Variants in NKTR observed in about 807,000 individuals in gnomAD.
The protein encoded by NKTR is natural killer cell triggering receptor, also known as NK-tumor recognition protein.
A neutral mutation model predicts 156.3 loss-of-function variants in NKTR; 67 were observed. The ratio of observed to expected loss-of-function variants is 0.43; its 90% confidence interval spans 0.35 to 0.53. The LOEUF (loss-of-function observed/expected upper bound fraction) is 0.53, where lower values mean the gene tolerates loss of function less well. Among genes scored for constraint, NKTR ranks in the 20% least tolerant of loss-of-function variants. The pLI is 0.01. For missense variants in NKTR, 1,604 were observed against 1,730.9 expected, an observed-to-expected ratio of 0.93 and a Z score of 1.30; for synonymous variants, 640 against 596.6, an observed-to-expected ratio of 1.07 and a Z score of -1.06.
chr3:42,611,114 C>G (rs938748901), intron 2 of NKTR: 2 of 152,100 alleles, frequency 1.3e-5, no homozygotes, highest in African/African-American at 4.8e-5. Context: ...CCTGGCAGCT[C>G]TAACATCTGA....
chr3:42,630,830 G>GA, intron 7 of NKTR: 6 of 1,332,084 alleles, frequency 4.5e-6, no homozygotes. Context: ...TTTCTCTTCA[G>GA]TTTTCCAAAA....
intron 2 of NKTR, among the ~76,000 whole-genome samples, chr3:42,603,373 A>AAC (rs1354072394): frequency 0.011 from 1,579 of 150,252 alleles, 38 homozygotes; most frequent in African/African-American, 0.036. Flanking sequence ...AAAAAAAAAA[A>AAC]AAAAAAAAAA....
intron 4 of NKTR, 133 bp from the exon 5 acceptor site, chr3:42,619,531 C>CT: frequency 6.6e-7 from 1 of 1,516,224 alleles, no homozygotes. Context: ...ATTGAGGACT[C>CT]TGAGAATTTT....
At chr3:42,618,061 A>T (rs947745026) in intron 3 of NKTR, among the ~76,000 whole-genome samples, 1 of 152,136 alleles carries the variant, frequency 6.6e-6, no homozygotes. Context: ...TTAAAATTAG[A>T]ACAAACTGGC....
intron 7 of NKTR, chr3:42,630,815 T>G: frequency 7.4e-7 from 1 of 1,343,032 alleles, no homozygotes; most frequent in Non-Finnish European, 9.5e-7. Context: ...TTTTTATTTT[T>G]TATTTTTCTC....
chr3:42,636,028 G>A (rs1020262919), intron 12 of NKTR, among the ~76,000 whole-genome samples: 2 of 152,226 alleles, frequency 1.3e-5, no homozygotes, highest in Non-Finnish European at 2.9e-5. Flanking sequence ...CATGTTGACT[G>A]TTGATCGCAG....
intron 5 of NKTR, 65 bp from the exon 6 acceptor site, chr3:42,621,364 A>G (rs1559564069): frequency 7.1e-6 from 11 of 1,548,630 alleles, no homozygotes; most frequent in Middle Eastern, 3.4e-4. Context: ...TCTATTTATT[A>G]CTTGAACATT....
Position 42,638,199 on chromosome 3 carries a change from A to G in NKTR, c.2495A>G (p.Glu832Gly), listed in dbSNP as rs1709586145. Residue 832 changes from glutamate to glycine, a missense_variant, in exon 13 of 17, where the codon GAA (glutamate) becomes GGA (glycine). By Grantham distance (98) the Glu-to-Gly change is moderately conservative. Coordinates refer to ENST00000232978, the MANE Select transcript of NKTR (RefSeq NM_005385.4). ...GAAAAAGAGAAGCAGGGCCAAATGG[A>G]AAGAACACATAATAAACAAGAAAAA... ...AQEKEKQGQM[E>G]RTHNKQEKNR... is the part of the protein sequence containing the mutation. 6.2e-7 allele frequency: 1 copy of G among 1,613,560 alleles called. No homozygotes were observed. The highest frequency in any genetic ancestry group is 8.5e-7 in the Non-Finnish European group (1 of 1,179,914).
At chr3:42,617,737 G>T in intron 3 of NKTR, 93 bp downstream of exon 3, 1 of 620,040 alleles carries the variant, frequency 1.6e-6, no homozygotes, top group Non-Finnish European at 2.9e-6. Context: ...TAATGGACTC[G>T]TGAAATTAGT....
intron 8 of NKTR, among the ~76,000 whole-genome samples, chr3:42,632,033 A>G (rs1251409695): frequency 6.9e-6 from 1 of 144,016 alleles, no homozygotes; most frequent in African/African-American, 2.6e-5. Context: ...CTGTCTTAGC[A>G]CTTAATCATT....
chr3:42,617,442 C>T, intron 2 of NKTR, 128 bp from the exon 3 acceptor site: 1 of 571,468 alleles, frequency 1.7e-6, no homozygotes. Flanking sequence ...TTTCCCATTA[C>T]ATCTTTTAAA....
In NKTR at chr3:42,643,938, G is replaced by A; in HGVS notation, c.4236G>A (p.Arg1412=). The A allele has an allele frequency of 6.2e-7, 1 of 1,614,128 alleles. No homozygotes were observed. Among genetic ancestry groups the A allele is most frequent in the South Asian group, 1.1e-5 (1 of 91,080 alleles). ...YTYDSYYSRS[R]SRSRSQRSDS... ...ACGATAGCTACTATAGCAGGAGTCG[G>A]AGTCGAAGTAGAAGCCAGAGAAGTG... Residue 1412 remains arginine, a synonymous_variant, in exon 16 of 17, where the codon CGG becomes CGA. Transcript: ENST00000232978.
Position 42,638,685 on chromosome 3 carries a change from A to G in NKTR, c.2981A>G (p.Lys994Arg). 1 of 1,612,030 alleles carries G rather than the reference A, an allele frequency of 6.2e-7. No individual in the cohort carries two copies. Among genetic ancestry groups the G allele is most frequent in the Admixed American group, 1.7e-5 (1 of 59,554 alleles). ...NLKREHTKKV[K>R]EKLKGKKDKK... is the part of the protein sequence containing the mutation. ...AAAAGAGAACACACCAAAAAAGTGAAAGAGAAATTGAAAGGGAAAAAAGAC... is the reference window on the plus strand; with the variant it reads ...AAAAGAGAACACACCAAAAAAGTGAGAGAGAAATTGAAAGGGAAAAAAGAC... The change falls in exon 13 of 17, where the codon AAA becomes AGA. Residue 994 changes from lysine (K) to arginine (R), a missense_variant. Around this residue, in one of 6 missense-constraint regions of NKTR, gnomAD observed 1,255 missense variants for 1,243.7 expected, o/e 1.01. Coordinates refer to ENST00000232978, the MANE Select transcript of NKTR (RefSeq NM_005385.4).
Position 42,639,695 on chromosome 3 carries a change from T to G in NKTR, c.3991T>G (p.Ser1331Ala), listed in dbSNP as rs780621190. 9.9e-6 allele frequency: 16 copies of G among 1,613,762 alleles called. No homozygotes were observed. In the Admixed American group the frequency reaches 2.3e-4, roughly 24 times the overall value. ...AACCAAATCAAGACACAGAACAAGGTCTGTCTCCTATAGTCACTCAAGAAG... is the reference window on the plus strand; with the variant it reads ...AACCAAATCAAGACACAGAACAAGGGCTGTCTCCTATAGTCACTCAAGAAG... ...SETKSRHRTR[S>A]VSYSHSRSRS... The change falls in exon 13 of 17, where the codon TCT becomes GCT. Residue 1331 changes from serine to alanine, a missense_variant. By Grantham distance (99) the Ser-to-Ala change is moderately conservative. Transcript: ENST00000232978.
In NKTR at chr3:42,648,697, A is replaced by AG; in HGVS notation, c.*2726dup. The AG allele has an allele frequency of 6.5e-6, 1 of 152,794 alleles. No homozygotes were observed. The highest frequency in any genetic ancestry group is 1.9e-4 in the East Asian group (1 of 5,192). The allele number at this position is 152,794 out of a possible 1,614,324, so 9.5% of individuals were successfully genotyped here. A position where few individuals can be genotyped will look rare whatever the true frequency, so the allele number is the denominator to read the frequency against. On this transcript the variant is annotated 3_prime_UTR_variant, in exon 17 of 17. Coordinates refer to ENST00000232978, the MANE Select transcript of NKTR (RefSeq NM_005385.4). ...CAGTTAAATTTCCCTAAAACTTGAA[A>AG]GGGGACCTTGTAGAAATTAAAATAT...
chr3:42,635,762 C>T (rs1455774834), intron 12 of NKTR, among the ~76,000 whole-genome samples: 1 of 152,044 alleles, frequency 6.6e-6, no homozygotes, highest in Non-Finnish European at 1.5e-5. Flanking sequence ...AAAAAATTAG[C>T]CGGGCGTGGT....
chr3:42,638,068 T>C lies in NKTR; in HGVS notation c.2364T>C (p.Gly788=), dbSNP rs372776910. The change falls in exon 13 of 17, where the codon GGT becomes GGC. Residue 788 remains glycine, a synonymous_variant. Coordinates refer to ENST00000232978, the MANE Select transcript of NKTR (RefSeq NM_005385.4). ...EKTLHSKYVK[G]RDRSSCVRKY... ...CACTTCACAGTAAATATGTCAAAGGTAGAGACAGGTCTTCATGTGTGAGAA... is the reference window on the plus strand; with the variant it reads ...CACTTCACAGTAAATATGTCAAAGGCAGAGACAGGTCTTCATGTGTGAGAA... 5.6e-6 allele frequency: 9 copies of C among 1,614,004 alleles called. No individual in the cohort carries two copies. The highest frequency in any genetic ancestry group is 5.3e-5 in the African/African-American group (4 of 74,920).
At chr3:42,621,036 C>T in intron 5 of NKTR, 4 of 978,782 alleles carry the variant, frequency 4.1e-6, no homozygotes, top group Non-Finnish European at 4.9e-6. Flanking sequence ...GATTATTGAA[C>T]TTCTTCCATG....
rs775858551 is a variant in NKTR, at chr3:42,637,080, T to G, written c.1376T>G (p.Ile459Ser). ...CACAAACAAACAAAGAAGAGAAGGA[T>G]TCTTATACCGTCTGACATAGAATCC... Reference protein sequence around the residue: ...RRHKQTKKRRILIPSDIESSK... With the variant: ...RRHKQTKKRRSLIPSDIESSK... The change falls in exon 13 of 17, where the codon ATT becomes AGT. Residue 459 changes from isoleucine (I) to serine (S), a missense_variant. Physicochemically the swap from Ile to Ser is moderately radical, Grantham distance 142. Coordinates refer to ENST00000232978, the MANE Select transcript of NKTR (RefSeq NM_005385.4). 18 of 1,606,088 alleles carry G rather than the reference T, an allele frequency of 1.1e-5. No individual in the cohort carries two copies. The South Asian group carries it at 2.0e-4, about 18-fold the overall frequency.
Sources: gnomAD v4.1 joint callset for allele counts (sites outside exome capture counted in the v4.1 genomes callset) on GRCh38, gnomAD v4.1.1 for gene constraint, gnomAD v4.1.1 regional missense constraint, MANE v1.5 for transcripts, NCBI Gene and HGNC (gene_info 2026-07-23, HGNC 2026-07-21) for gene names.